PDSS1: variants seen among roughly 807,000 people sequenced by gnomAD.
PDSS1 encodes the protein decaprenyl diphosphate synthase subunit 1.
A neutral mutation model predicts 57.5 loss-of-function variants in PDSS1; 43 were observed. The ratio of observed to expected loss-of-function variants is 0.75; its 90% confidence interval spans 0.59 to 0.96. The LOEUF is 0.96. Ranked by LOEUF, PDSS1 falls within the 50% of genes least tolerant of loss-of-function variation. The probability of loss-of-function intolerance (pLI) is 0.00; values close to 1 mark genes in which losing one functional copy is unlikely to be tolerated. For missense variants in PDSS1, 438 were observed against 527.8 expected (o/e 0.83, Z 1.67); for synonymous variants, 175 against 191.3 (o/e 0.91, Z 0.70).
intron 11 of PDSS1, among the ~76,000 whole-genome samples, chr10:26,743,850 T>A (rs1238409392): frequency 6.6e-6 from 1 of 151,910 alleles, no homozygotes; most frequent in African/African-American, 2.4e-5. Flanking sequence ...GGGTTACAAA[T>A]AAGTTGACTA....
chr10:26,698,146 G>A (rs867728435), intron 1 of PDSS1, among the ~76,000 whole-genome samples: 4 of 150,252 alleles, frequency 2.7e-5, no homozygotes, highest in Non-Finnish European at 4.4e-5. Flanking sequence ...GCGCAGGAGC[G>A]ATCAGATTGA....
chr10:26,732,767 A>G (rs890004049), intron 8 of PDSS1, among the ~76,000 whole-genome samples: 1 of 152,210 alleles, frequency 6.6e-6, no homozygotes, highest in Non-Finnish European at 1.5e-5. Context: ...GTTTAACTCA[A>G]ATCATACAAA....
intron 6 of PDSS1, among the ~76,000 whole-genome samples, chr10:26,721,512 T>C (rs1466112543): frequency 1.3e-5 from 2 of 152,168 alleles, no homozygotes. Flanking sequence ...TAAATGACTG[T>C]TTTGAAATCG....
chr10:26,729,799 G>C (rs1365547323), intron 8 of PDSS1, among the ~76,000 whole-genome samples: 2 of 151,870 alleles, frequency 1.3e-5, no homozygotes, highest in Non-Finnish European at 2.9e-5. Context: ...GGAATGCTAA[G>C]CTTGTGGAGT....
At chr10:26,716,354 ATATTATT>A (rs1835577034) in intron 5 of PDSS1, among the ~76,000 whole-genome samples, 1 of 152,084 alleles carries the variant, frequency 6.6e-6, no homozygotes, top group Non-Finnish European at 1.5e-5. Context: ...TAGGGTCATT[ATATTATT>A]CTATCTATTT....
At chr10:26,719,466 C>T (rs537505558) in intron 5 of PDSS1, among the ~76,000 whole-genome samples, 1 of 152,306 alleles carries the variant, frequency 6.6e-6, no homozygotes, top group East Asian at 1.9e-4. Context: ...TCATACTAAA[C>T]GTTTAATTTA....
At chr10:26,730,643 T>G (rs1836156687) in intron 8 of PDSS1, among the ~76,000 whole-genome samples, 1 of 152,052 alleles carries the variant, frequency 6.6e-6, no homozygotes, top group Non-Finnish European at 1.5e-5. Flanking sequence ...TAAAAGACAT[T>G]AATGTAGCTC....
At chr10:26,698,819 C>G (rs1241632691) in intron 1 of PDSS1, among the ~76,000 whole-genome samples, 1 of 152,188 alleles carries the variant, frequency 6.6e-6, no homozygotes, top group Non-Finnish European at 1.5e-5. Flanking sequence ...ATGCGTATCA[C>G]AAATTATCCA....
chr10:26,734,849 G>T, intron 8 of PDSS1: 2 of 438,584 alleles, frequency 4.6e-6, no homozygotes, highest in South Asian at 1.7e-5. Flanking sequence ...CAGTAATCGG[G>T]CTAGCTTGCC....
chr10:26,728,098 G>A (rs1836025221), intron 8 of PDSS1, among the ~76,000 whole-genome samples: 2 of 152,168 alleles, frequency 1.3e-5, no homozygotes, highest in Admixed American at 1.3e-4. Context: ...GCTCACGCCT[G>A]TAATCCCAGC....
intron 10 of PDSS1, among the ~76,000 whole-genome samples, chr10:26,741,321 C>T (rs1285402552): frequency 6.6e-6 from 1 of 152,110 alleles, no homozygotes; most frequent in African/African-American, 2.4e-5. Flanking sequence ...CCTGTCTCTA[C>T]TAACAGTACA....
rs1369987440 is a variant in PDSS1, at chr10:26,710,154, TA to T, written c.467+398del. ...GGGCGACAGAGCGAGACTCTTGTCT[TA>T]AAAAAAAAAAAGTAGCATGTACCTA... On this transcript the variant is annotated intron_variant, in intron 5 of 11. Transcript: ENST00000376215. 2.1e-3 allele frequency among the ~76,000 whole-genome samples: 88 copies of T among 42,618 alleles called. 5 individuals carry two copies. The highest frequency in any genetic ancestry group is 3.4e-3 in the Non-Finnish European group (55 of 16,328). 28.0% of individuals were successfully genotyped at this position (42,618 alleles called of 152,430 possible).
intron 1 of PDSS1, among the ~76,000 whole-genome samples, chr10:26,698,713 G>A (rs1445765762): frequency 6.6e-6 from 1 of 152,206 alleles, no homozygotes; most frequent in Non-Finnish European, 1.5e-5. Context: ...TTTTAATTCA[G>A]ATTTGGTATA....
At chr10:26,705,085 A>G (rs1223782471) in intron 3 of PDSS1, among the ~76,000 whole-genome samples, 4 of 152,178 alleles carry the variant, frequency 2.6e-5, no homozygotes, top group Admixed American at 6.5e-5. Context: ...TCAAGGCCCT[A>G]TTTATAAAAG....
chr10:26,702,448 G>T (rs1835081444), intron 2 of PDSS1, among the ~76,000 whole-genome samples: 1 of 152,122 alleles, frequency 6.6e-6, no homozygotes, highest in Non-Finnish European at 1.5e-5. Context: ...TCTTGTTATA[G>T]CGAATTCTTA....
In PDSS1 at chr10:26,697,748, T is replaced by A. The variant is rs1834909621; in HGVS notation, c.37T>A (p.Ser13Thr). The A allele has an allele frequency of 7.7e-7, 1 of 1,294,022 alleles. No homozygotes were observed. Among genetic ancestry groups the A allele is most frequent in the South Asian group, 2.4e-5 (1 of 40,926 alleles). The allele number at this position is 1,294,022 out of a possible 1,614,324, so 80.2% of individuals were successfully genotyped here. A position where few individuals can be genotyped will look rare whatever the true frequency, so the allele number is the denominator to read the frequency against. The change falls in exon 1 of 12, where the codon TCC becomes ACC. Residue 13 changes from serine to threonine, a missense_variant. Around this residue, in one of 2 missense-constraint regions of PDSS1, gnomAD observed 154 missense variants for 137.0 expected, o/e 1.12. Coordinates refer to ENST00000376215, the MANE Select transcript of PDSS1 (RefSeq NM_014317.5). The part of the protein sequence containing the change: ...SRWWRWRRGC[S>T]WKPAARSPGP... ...CTGGTGGCGGTGGCGGCGCGGCTGC[T>A]CCTGGAAGCCGGCGGCGCGGAGCCC...
At chr10:26,717,186 T>G (rs779581520) in intron 5 of PDSS1, among the ~76,000 whole-genome samples, 2 of 152,204 alleles carry the variant, frequency 1.3e-5, no homozygotes, top group Admixed American at 6.5e-5. Context: ...TCATCCTGAT[T>G]TCATCAGTCA....
At chr10:26,712,001 CTTTTT>C (rs543847648) in intron 5 of PDSS1, among the ~76,000 whole-genome samples, 1 of 61,898 alleles carries the variant, frequency 1.6e-5, no homozygotes, top group Non-Finnish European at 3.6e-5. Flanking sequence ...TTTTCTTTTT[CTTTTT>C]TTTTTTTTTT....
At chr10:26,726,986 C>A (rs1027639838) in intron 8 of PDSS1, among the ~76,000 whole-genome samples, 1 of 151,320 alleles carries the variant, frequency 6.6e-6, no homozygotes, top group Non-Finnish European at 1.5e-5. Context: ...CGCTTGAACC[C>A]GGGAGGTGGA....
Sources: gnomAD v4.1 joint callset for allele counts (sites outside exome capture counted in the v4.1 genomes callset) on GRCh38, gnomAD v4.1.1 for gene constraint, gnomAD v4.1.1 regional missense constraint, MANE v1.5 for transcripts, NCBI Gene and HGNC (gene_info 2026-07-23, HGNC 2026-07-21) for gene names.